The following PLD1 variants were observed in gnomAD, a reference collection of about 807,000 sequenced individuals.
PLD1 encodes the protein phospholipase D1.
In PLD1, 112 loss-of-function variants were observed where a neutral mutation model predicts 137.1. The observed-to-expected ratio is 0.82, with a 90% CI of 0.70 to 0.96. The LOEUF is 0.96. PLD1 is among the 40% of genes least tolerant of loss of function. PLD1 has a pLI of 0.00. For missense variants in PLD1, 1,321 were observed against 1,342.0 expected (o/e 0.98, Z 0.24); for synonymous variants, 431 against 454.7 (o/e 0.95, Z 0.66).
rs199576159 is a variant in PLD1, at chr3:171,612,250, A to G, written c.2882+29T>C. Reference sequence around the variant, plus strand: ...CCAGCGACTGCTGCAGTGGAAATGCATCAGAGAGACACACTTTGGCGGACT... The same window carrying G: ...CCAGCGACTGCTGCAGTGGAAATGCGTCAGAGAGACACACTTTGGCGGACT... On this transcript the variant is annotated intron_variant, in intron 25 of 26. Coordinates refer to ENST00000351298, the MANE Select transcript of PLD1 (RefSeq NM_002662.5). The surrounding 1 kb of genome is among the most constrained non-coding windows in gnomAD (Gnocchi z 4.1). 3.5e-5 allele frequency: 56 copies of G among 1,608,900 alleles called. No homozygotes were observed. The highest frequency in any genetic ancestry group is 3.3e-4 in the Middle Eastern group (2 of 6,038).
intron 21 of PLD1, among the ~76,000 whole-genome samples, chr3:171,656,453 G>A (rs1287651107): frequency 2.0e-5 from 3 of 152,232 alleles, no homozygotes; most frequent in East Asian, 1.9e-4. Context: ...TTACAGGCGT[G>A]AGCCACCATG....
intron 1 of PLD1, among the ~76,000 whole-genome samples, chr3:171,781,176 C>T (rs1196337079): frequency 6.6e-6 from 1 of 151,648 alleles, no homozygotes; most frequent in African/African-American, 2.4e-5. Flanking sequence ...TACATGGTCA[C>T]TCGATTTTCA....
intron 1 of PLD1, among the ~76,000 whole-genome samples, chr3:171,807,933 T>G (rs1578493219): frequency 1.3e-5 from 2 of 152,262 alleles, no homozygotes; most frequent in South Asian, 4.1e-4. Flanking sequence ...GAAACATGGA[T>G]GCGGATGGAG....
chr3:171,661,590 T>C (rs766078091), intron 20 of PLD1, among the ~76,000 whole-genome samples: 1 of 152,148 alleles, frequency 6.6e-6, no homozygotes, highest in Non-Finnish European at 1.5e-5. Context: ...CTCTTAATGT[T>C]CTCACATCTT....
chr3:171,714,753 A>C (rs1037031646), intron 8 of PLD1, among the ~76,000 whole-genome samples: 1 of 151,682 alleles, frequency 6.6e-6, no homozygotes, highest in South Asian at 2.1e-4. Flanking sequence ...CATTTCATTA[A>C]TTTTTTTTTA....
intron 8 of PLD1, among the ~76,000 whole-genome samples, chr3:171,724,223 T>G (rs1718341488): frequency 6.6e-6 from 1 of 152,262 alleles, no homozygotes; most frequent in Admixed American, 6.5e-5. Flanking sequence ...TTTTCCAAAG[T>G]GGCTGCACCA....
At chr3:171,793,411 A>G (rs1723299839) in intron 1 of PLD1, 1 of 152,116 alleles carries the variant, frequency 6.6e-6, no homozygotes, top group Non-Finnish European at 1.5e-5. Flanking sequence ...TCCATTTATC[A>G]CTTCTTTATT....
chr3:171,803,139 G>A (rs1004775301), intron 1 of PLD1, among the ~76,000 whole-genome samples: 2 of 152,210 alleles, frequency 1.3e-5, no homozygotes, highest in Admixed American at 1.3e-4. Flanking sequence ...AGCTCTTCAG[G>A]AGGTTGCAGG....
chr3:171,673,172 A>AT (rs1712966176), intron 19 of PLD1, among the ~76,000 whole-genome samples: 1 of 152,234 alleles, frequency 6.6e-6, no homozygotes, highest in South Asian at 2.1e-4. Context: ...TTCATAAAAT[A>AT]TTCATCAACT....
intron 21 of PLD1, 148 bp from the exon 22 acceptor site, chr3:171,645,171 G>A (rs1736102560): frequency 3.1e-6 from 2 of 640,712 alleles, no homozygotes; most frequent in South Asian, 3.5e-5. Flanking sequence ...TTGGGAGGGT[G>A]TGCTGTTGGA....
At chr3:171,676,520 T>A (rs1251218003) in intron 18 of PLD1, among the ~76,000 whole-genome samples, 195 bp downstream of exon 18, 1 of 151,266 alleles carries the variant, frequency 6.6e-6, no homozygotes, top group Non-Finnish European at 1.5e-5. Context: ...GTCTATGGTG[T>A]GGACATTCGG....
rs1414250939 is a variant in PLD1, at chr3:171,601,398, G to C, written c.*1680C>G. ...CACTCAATACTTCAAATGCCAATCT[G>C]AACTTCTTTCATCAATAGCAAATTC... On this transcript the variant is annotated 3_prime_UTR_variant, in exon 27 of 27. Coordinates refer to ENST00000351298, the MANE Select transcript of PLD1 (RefSeq NM_002662.5). 1 of 152,092 alleles carries C rather than the reference G, an allele frequency of 6.6e-6. No individual in the cohort carries two copies. Among genetic ancestry groups the C allele is most frequent in the Non-Finnish European group, 1.5e-5 (1 of 68,028 alleles). 9.4% of individuals were successfully genotyped at this position (152,092 alleles called of 1,614,324 possible). A position where few individuals can be genotyped will look rare whatever the true frequency, so the allele number is the denominator to read the frequency against.
At chr3:171,777,959 A>G (rs960231159) in intron 1 of PLD1, among the ~76,000 whole-genome samples, 1 of 152,230 alleles carries the variant, frequency 6.6e-6, no homozygotes, top group Non-Finnish European at 1.5e-5. Context: ...CCTCCAACTT[A>G]GTAATCAGTA....
intron 1 of PLD1, among the ~76,000 whole-genome samples, chr3:171,782,560 A>G (rs906019616): frequency 2.0e-5 from 3 of 152,238 alleles, no homozygotes; most frequent in Admixed American, 1.3e-4. Flanking sequence ...GATGGGTGAC[A>G]AGACGTATGT....
intron 11 of PLD1, among the ~76,000 whole-genome samples, chr3:171,703,912 C>T (rs1224579534): frequency 6.6e-6 from 1 of 152,178 alleles, no homozygotes; most frequent in South Asian, 2.1e-4. Flanking sequence ...GGGGAAATCT[C>T]CTCTCCAATG....
intron 17 of PLD1, 101 bp from the exon 18 acceptor site, chr3:171,676,934 C>A: frequency 1.4e-6 from 1 of 693,972 alleles, no homozygotes; most frequent in East Asian, 2.7e-5. Flanking sequence ...TGGGTTAGTG[C>A]CCACTAGGTA....
chr3:171,613,508 C>A (rs1732852916), intron 24 of PLD1, among the ~76,000 whole-genome samples: 1 of 152,152 alleles, frequency 6.6e-6, no homozygotes, highest in Admixed American at 6.5e-5. Flanking sequence ...CTCAAGAGTA[C>A]CTTCATAATT....
chr3:171,630,303 A>G (rs1734546422), intron 23 of PLD1, among the ~76,000 whole-genome samples: 1 of 151,190 alleles, frequency 6.6e-6, no homozygotes, highest in African/African-American at 2.5e-5. Flanking sequence ...GCAAATCAAA[A>G]ACACAATGAG....
chr3:171,684,648 T>C (rs569124727), intron 16 of PLD1, among the ~76,000 whole-genome samples: 1 of 152,358 alleles, frequency 6.6e-6, no homozygotes, highest in African/African-American at 2.4e-5. Context: ...CAGGCTGGAC[T>C]GCAGTGGCAT....
Sources: allele counts gnomAD v4.1 joint callset (sites outside exome capture counted in the v4.1 genomes callset), GRCh38; gene constraint gnomAD v4.1.1; non-coding constraint Gnocchi (gnomAD v3.1); transcripts MANE v1.5; gene names NCBI Gene and HGNC (gene_info 2026-07-23, HGNC 2026-07-21).